The following DMBT1 variants were observed in gnomAD, a reference collection of about 807,000 sequenced individuals.
DMBT1 encodes the protein scavenger receptor cysteine-rich domain-containing protein DMBT1.
Under a neutral mutation model 252.9 loss-of-function variants are expected in DMBT1, and 198 were observed. That is an observed-to-expected ratio of 0.78 (90% CI 0.70 to 0.88). DMBT1 has a LOEUF of 0.88. DMBT1 is among the 40% of genes least tolerant of loss of function. DMBT1 has a pLI of 0.00. For synonymous variants in DMBT1, 990 were observed against 942.7 expected (o/e 1.05, Z -0.92); for missense variants, 2,432 against 2,404.7 (o/e 1.01, Z -0.24).
At chr10:122,569,450 T>C (rs1283604447) in intron 2 of DMBT1, among the ~76,000 whole-genome samples, 3 of 152,190 alleles carry the variant, frequency 2.0e-5, no homozygotes, top group Non-Finnish European at 4.4e-5. Flanking sequence ...TTGATTTCCT[T>C]TGTTTGCGTA....
chr10:122,629,866 T>G lies in DMBT1; in HGVS notation c.5695T>G (p.Leu1899Val). 6.2e-7 allele frequency: 1 copy of G among 1,614,046 alleles called. No individual in the cohort carries two copies. The highest frequency in any genetic ancestry group is 2.2e-5 in the East Asian group (1 of 44,884). The change falls in exon 47 of 56, where the codon TTA becomes GTA. Residue 1899 changes from leucine (L) to valine (V), a missense_variant. Coordinates refer to ENST00000338354, the MANE Select transcript of DMBT1 (RefSeq NM_001377530.1). The part of the protein sequence containing the change: ...ARPSSNCGGF[L>V]FYASGTFSSP... ...ACCCTCTTCAAATTGTGGTGGCTTC[T>G]TATTCTATGCCAGTGGGACATTCTC...
chr10:122,592,863 C>A (rs2097860726), intron 20 of DMBT1, among the ~76,000 whole-genome samples: 1 of 148,524 alleles, frequency 6.7e-6, no homozygotes, highest in African/African-American at 2.4e-5. Context: ...GAAGAGAAAA[C>A]TGCTGGCTCC....
At chr10:122,576,374 A>C in intron 6 of DMBT1, 25 bp from the exon 7 acceptor site, 142 of 1,609,580 alleles carry the variant, frequency 8.8e-5, no homozygotes, top group Non-Finnish European at 1.1e-4. Context: ...GGAATGTGCA[A>C]GAGAAATTCT....
Position 122,565,976 on chromosome 10 carries a change from TCCCAAGGA to T in DMBT1, c.73_80del (p.Pro25TyrfsTer70). On this transcript the variant is annotated frameshift_variant, in exon 2 of 56. Transcript: ENST00000338354. LOFTEE classifies it high-confidence loss of function. ...TTTGTGTTCTTTCCAGGTGGGTGGA[TCCCAAGGA>T]CTACAGACTACGGTAAGACCTTTTC... 1.2e-6 allele frequency: 2 copies of T among 1,614,002 alleles called. No individual in the cohort carries two copies. The highest frequency in any genetic ancestry group is 1.7e-6 in the Non-Finnish European group (2 of 1,179,868).
chr10:122,630,135 C>A lies in DMBT1; in HGVS notation c.5822+142C>A, dbSNP rs2098149611. On this transcript the variant is annotated intron_variant, in intron 47 of 55. Coordinates refer to ENST00000338354, the MANE Select transcript of DMBT1 (RefSeq NM_001377530.1). ...GGTGGCTTTGATTCCTACCATAAAG[C>A]ATCAGGGAACACTGATGTCCTTTGA... 4 of 1,373,042 alleles carry A rather than the reference C, an allele frequency of 2.9e-6. No homozygotes were observed. In the East Asian group the frequency reaches 6.9e-5, roughly 24 times the overall value. 85.1% of individuals were successfully genotyped at this position (1,373,042 alleles called of 1,614,324 possible). A position where few individuals can be genotyped will look rare whatever the true frequency, so the allele number is the denominator to read the frequency against.
intron 1 of DMBT1, among the ~76,000 whole-genome samples, chr10:122,565,400 A>G (rs1243649838): frequency 1.3e-5 from 2 of 152,248 alleles, no homozygotes; most frequent in Non-Finnish European, 2.9e-5. Context: ...ACTCACGAGT[A>G]TAGTTAGAAC....
chr10:122,569,458 G>A (rs983334411), intron 2 of DMBT1, among the ~76,000 whole-genome samples: 12 of 152,204 alleles, frequency 7.9e-5, no homozygotes, highest in Admixed American at 2.0e-4. Flanking sequence ...CTTTGTTTGC[G>A]TAGTGCCAGG....
Position 122,600,054 on chromosome 10 carries a change from T to C in DMBT1, c.3281-10T>C. ...GTTCCTGATCTGACCTTCTCTTCTC[T>C]TTCTCACAGCTTCCCAGTCCCGGCC... On this transcript the variant is annotated splice_polypyrimidine_tract_variant and intron_variant, in intron 26 of 55. Coordinates refer to ENST00000338354, the MANE Select transcript of DMBT1 (RefSeq NM_001377530.1). 2 of 1,607,998 alleles carry C rather than the reference T, an allele frequency of 1.2e-6. 1 individual carries two copies. The highest frequency in any genetic ancestry group is 1.7e-6 in the Non-Finnish European group (2 of 1,178,360).
At chr10:122,560,938 G>A (rs763562386) in intron 1 of DMBT1, 107 bp downstream of exon 1, 3 of 751,096 alleles carry the variant, frequency 4.0e-6, no homozygotes, top group Non-Finnish European at 6.5e-6. Flanking sequence ...ATCAAAGAGT[G>A]GGTAGCACTT....
At chr10:122,580,830 T>C (rs1225610508) in intron 10 of DMBT1, 36 bp from the exon 11 acceptor site, 9 of 1,613,844 alleles carry the variant, frequency 5.6e-6, no homozygotes, top group African/African-American at 1.3e-5. Context: ...TTCTGTGTAA[T>C]GTTCCTGATC....
chr10:122,576,750 G>C (rs1276246723), intron 7 of DMBT1, 28 bp downstream of exon 7: 110 of 1,613,254 alleles, frequency 6.8e-5, no homozygotes, highest in Non-Finnish European at 9.2e-5. Flanking sequence ...TGGAGGGTTG[G>C]GTGTGGTGGC....
rs780513072 is a variant in DMBT1 at position 122,621,321 on chromosome 10, A to G, written c.5549A>G (p.His1850Arg). 1.9e-6 allele frequency: 3 copies of G among 1,613,794 alleles called. No individual in the cohort carries two copies. The highest frequency in any genetic ancestry group is 1.7e-5 in the Admixed American group (1 of 60,018). ...GNESYLWSCP[H>R]KGWLTHNCGH... ...GAGTCCTACCTGTGGAGCTGCCCCC[A>G]CAAAGGCTGGCTCACCCACAACTGT... The change falls in exon 44 of 56, where the codon CAC becomes CGC. Residue 1850 changes from histidine (H) to arginine (R), a missense_variant. By Grantham distance (29) the His-to-Arg change is conservative. This residue lies in a region of DMBT1 where 1,162 missense variants were observed against 1,169.0 expected (regional missense o/e 0.99). Coordinates refer to ENST00000338354, the MANE Select transcript of DMBT1 (RefSeq NM_001377530.1).
chr10:122,618,926 G>C (rs563623821), intron 41 of DMBT1, among the ~76,000 whole-genome samples: 1 of 152,260 alleles, frequency 6.6e-6, no homozygotes, highest in African/African-American at 2.4e-5. Flanking sequence ...GCCCCCATGA[G>C]TCTGGCCAGG....
chr10:122,588,745 C>T (rs1437396079), intron 16 of DMBT1, among the ~76,000 whole-genome samples, 199 bp from the exon 17 acceptor site: 2 of 148,908 alleles, frequency 1.3e-5, no homozygotes, highest in African/African-American at 2.4e-5. Flanking sequence ...AAAACTTGAG[C>T]CTTCATAAAC....
intron 6 of DMBT1, among the ~76,000 whole-genome samples, chr10:122,575,186 G>T (rs1222493944): frequency 6.6e-6 from 1 of 152,332 alleles, no homozygotes; most frequent in African/African-American, 2.4e-5. Flanking sequence ...GTTCAATGTT[G>T]TACTGGAGGT....
intron 44 of DMBT1, among the ~76,000 whole-genome samples, chr10:122,623,197 GT>G (rs1311450966): frequency 6.6e-6 from 1 of 152,168 alleles, no homozygotes; most frequent in Non-Finnish European, 1.5e-5. Flanking sequence ...TTAACATAAT[GT>G]TTTCAAGGTT....
intron 2 of DMBT1, among the ~76,000 whole-genome samples, chr10:122,567,948 C>T: frequency 6.6e-6 from 1 of 152,142 alleles, no homozygotes; most frequent in East Asian, 1.9e-4. Context: ...ACCAGTGAAT[C>T]CTCTTAGTAT....
At position 122,579,999 on chromosome 10, in the gene DMBT1, G is replaced by A. The variant is rs898692214; in HGVS notation, c.1003+98G>A. On this transcript the variant is annotated intron_variant, in intron 10 of 55. Transcript: ENST00000338354. The stretch of plus-strand genomic sequence containing the variant: ...TGATCTCCTCACTCAAAGCTTCTAT[G>A]TTTTCTATGTTTCTGAAGACTTGTC... 4 of 1,570,474 alleles carry A rather than the reference G, an allele frequency of 2.5e-6. No homozygotes were observed. The African/African-American group carries it at 5.5e-5, about 21-fold the overall frequency.
At chr10:122,580,147 A>G (rs552859033) in intron 10 of DMBT1, among the ~76,000 whole-genome samples, 50 of 152,254 alleles carry the variant, frequency 3.3e-4, no homozygotes, top group Non-Finnish European at 5.6e-4. Context: ...AGGAAGAGGC[A>G]GAAGAGAAAA....
Sources: gnomAD v4.1 joint callset for allele counts (sites outside exome capture counted in the v4.1 genomes callset) on GRCh38, gnomAD v4.1.1 for gene constraint, gnomAD v4.1.1 regional missense constraint, MANE v1.5 for transcripts, NCBI Gene and HGNC (gene_info 2026-07-23, HGNC 2026-07-21) for gene names.